The following PTPRT variants were observed in gnomAD, a reference collection of about 807,000 sequenced individuals.
PTPRT encodes protein tyrosine phosphatase receptor type T.
Under a neutral mutation model 176.8 loss-of-function variants are expected in PTPRT, and 56 were observed. That is an observed-to-expected ratio of 0.32 (90% CI 0.26 to 0.40). PTPRT has a LOEUF of 0.40. Ranked by LOEUF, PTPRT falls within the 10% of genes least tolerant of loss-of-function variation. The pLI, the probability that PTPRT is intolerant of heterozygous loss-of-function variation, is 1.00. For synonymous variants in PTPRT, 783 were observed against 739.0 expected (o/e 1.06, Z -0.96); for missense variants, 1,540 against 1,908.2 (o/e 0.81, Z 3.60).
At chr20:43,168,310 T>C (rs1223544351) in intron 1 of PTPRT, among the ~76,000 whole-genome samples, 2 of 152,164 alleles carry the variant, frequency 1.3e-5, no homozygotes, top group African/African-American at 4.8e-5. Context: ...AACCATGTCA[T>C]TGCCATCTCT....
chr20:42,443,121 A>C (rs142606323), intron 9 of PTPRT, among the ~76,000 whole-genome samples: 152 of 152,374 alleles, frequency 1.0e-3, no homozygotes, highest in South Asian at 2.5e-3. Flanking sequence ...TCCTTACTGC[A>C]TTAAATGATC....
At chr20:42,206,625 G>A (rs2055472205) in intron 15 of PTPRT, among the ~76,000 whole-genome samples, 2 of 152,346 alleles carry the variant, frequency 1.3e-5, no homozygotes, top group South Asian at 4.1e-4. Flanking sequence ...CTGGCTTGGA[G>A]GGTCCTACGC....
At chr20:42,141,639 C>A (rs905936059) in intron 18 of PTPRT, among the ~76,000 whole-genome samples, 2 of 152,184 alleles carry the variant, frequency 1.3e-5, no homozygotes, top group Non-Finnish European at 2.9e-5. Flanking sequence ...CGGTGAGACC[C>A]AGCCTTCAGA....
chr20:42,389,233 AC>A lies in PTPRT; in HGVS notation c.1561-36949del, dbSNP rs1183142108. Among the ~76,000 whole-genome samples the A allele has an allele frequency of 1.5e-4, 23 of 152,188 alleles. No homozygotes were observed. The East Asian group carries it at 2.9e-3, about 19-fold the overall frequency. The stretch of plus-strand genomic sequence containing the variant: ...TGGCACGTGTATACATATGTAACTA[AC>A]CTGCACGTTGTGCACATGTATCCTA... On this transcript the variant is annotated intron_variant, in intron 9 of 30. Coordinates refer to ENST00000373187, the MANE Select transcript of PTPRT (RefSeq NM_007050.6).
chr20:42,836,901 T>A (rs1025427617), intron 2 of PTPRT, among the ~76,000 whole-genome samples: 1 of 152,298 alleles, frequency 6.6e-6, no homozygotes, highest in Non-Finnish European at 1.5e-5. Flanking sequence ...ACCATCCCCA[T>A]ATCAAAAATA....
chr20:42,258,595 G>T (rs144502159), intron 13 of PTPRT, among the ~76,000 whole-genome samples: 1 of 151,992 alleles, frequency 6.6e-6, no homozygotes, highest in Non-Finnish European at 1.5e-5. Context: ...CTTTGATCTT[G>T]CTGTGACTAA....
intron 16 of PTPRT, among the ~76,000 whole-genome samples, chr20:42,174,905 A>T (rs1419425020): frequency 1.3e-5 from 2 of 152,222 alleles, no homozygotes; most frequent in Non-Finnish European, 2.9e-5. Context: ...ACTGATTTAT[A>T]ATTGTTAGAA....
At chr20:42,175,273 T>C (rs1322363999) in intron 16 of PTPRT, among the ~76,000 whole-genome samples, 1 of 152,190 alleles carries the variant, frequency 6.6e-6, no homozygotes, top group Non-Finnish European at 1.5e-5. Flanking sequence ...CAATCTCATT[T>C]GCCTCATCTT....
intron 2 of PTPRT, among the ~76,000 whole-genome samples, chr20:42,867,743 A>G (rs208276): frequency 0.35 from 50,394 of 144,592 alleles, 10,237 homozygotes; most frequent in African/African-American, 0.58. Flanking sequence ...GTCCAGAGGC[A>G]CTATGTCGGC....
chr20:42,369,804 G>C (rs929026038), intron 9 of PTPRT, among the ~76,000 whole-genome samples: 1 of 152,224 alleles, frequency 6.6e-6, no homozygotes, highest in African/African-American at 2.4e-5. Flanking sequence ...GTATGTCCAT[G>C]ATGCCAAATC....
At chr20:42,218,431 A>C (rs887206282) in intron 15 of PTPRT, among the ~76,000 whole-genome samples, 14 of 152,248 alleles carry the variant, frequency 9.2e-5, no homozygotes, top group African/African-American at 3.4e-4. Context: ...AAGTAGTAGC[A>C]GAGTAATGAT....
intron 27 of PTPRT, among the ~76,000 whole-genome samples, chr20:42,096,635 C>T (rs1985266071): frequency 6.6e-6 from 1 of 152,134 alleles, no homozygotes; most frequent in African/African-American, 2.4e-5. Flanking sequence ...GTCACCCAGG[C>T]TGGAATGCAG....
At chr20:42,998,378 C>T (rs1984346891) in intron 1 of PTPRT, among the ~76,000 whole-genome samples, 1 of 152,016 alleles carries the variant, frequency 6.6e-6, no homozygotes, top group South Asian at 2.1e-4. Context: ...TATGCAGCAC[C>T]CTGGCAATTG....
intron 1 of PTPRT, among the ~76,000 whole-genome samples, chr20:43,053,518 T>A (rs1031268033): frequency 2.0e-5 from 3 of 152,188 alleles, no homozygotes. Flanking sequence ...CCAGCACCCA[T>A]CATTCATATA....
the PTPRT span, among the ~76,000 whole-genome samples, chr20:42,032,190 G>A: frequency 6.6e-6 from 1 of 151,936 alleles, no homozygotes; most frequent in African/African-American, 2.4e-5. Context: ...AAGAGACATG[G>A]GCTCAAAAGA....
intron 9 of PTPRT, among the ~76,000 whole-genome samples, chr20:42,373,614 T>C (rs2058615351): frequency 6.6e-6 from 1 of 152,204 alleles, no homozygotes; most frequent in South Asian, 2.1e-4. Flanking sequence ...AATTCGCAGT[T>C]GTAATAATAG....
chr20:42,566,807 C>G (rs1028027837), intron 7 of PTPRT, among the ~76,000 whole-genome samples: 1 of 152,208 alleles, frequency 6.6e-6, no homozygotes, highest in Admixed American at 6.5e-5. Context: ...AAAAACACAA[C>G]TGATTAAACC....
chr20:43,129,342 C>G (rs574440176), intron 1 of PTPRT, among the ~76,000 whole-genome samples: 1 of 152,194 alleles, frequency 6.6e-6, no homozygotes, highest in African/African-American at 2.4e-5. Flanking sequence ...GGACAAGAGT[C>G]GAATTGACAG....
At chr20:42,431,487 A>T (rs2145802833) in intron 9 of PTPRT, among the ~76,000 whole-genome samples, 1 of 152,380 alleles carries the variant, frequency 6.6e-6, no homozygotes, top group South Asian at 2.1e-4. Context: ...GTGATTAAAC[A>T]GTTAATGAAA....
Sources: allele counts gnomAD v4.1 joint callset (sites outside exome capture counted in the v4.1 genomes callset), GRCh38; gene constraint gnomAD v4.1.1; transcripts MANE v1.5; gene names NCBI Gene and HGNC (gene_info 2026-07-23, HGNC 2026-07-21).